ARMC2: variants seen among roughly 807,000 people sequenced by gnomAD.
ARMC2 encodes armadillo repeat containing 2, also known as armadillo repeat-containing protein 2.
Under a neutral mutation model 90.3 loss-of-function variants are expected in ARMC2, and 67 were observed. The observed-to-expected ratio is 0.74, with a 90% confidence interval of 0.61 to 0.91. The LOEUF (loss-of-function observed/expected upper bound fraction) is 0.91, where lower values mean the gene tolerates loss of function less well. Among genes scored for constraint, ARMC2 ranks in the 40% least tolerant of loss-of-function variants. ARMC2 has a pLI of 0.00. For missense variants in ARMC2, 920 were observed against 1,030.9 expected (o/e 0.89, Z 1.47); for synonymous variants, 393 against 393.0 (o/e 1.00, Z 0.00).
At chr6:108,996,670 A>G in the ARMC2 span, among the ~76,000 whole-genome samples, 3 of 152,140 alleles carry the variant, frequency 2.0e-5, no homozygotes, top group Non-Finnish European at 2.9e-5. Flanking sequence ...TAATATTAAA[A>G]TGTTAAAATT....
intron 17 of ARMC2, among the ~76,000 whole-genome samples, chr6:108,972,687 A>G (rs2128521712): frequency 6.6e-6 from 1 of 152,288 alleles, no homozygotes; most frequent in African/African-American, 2.4e-5. Flanking sequence ...TTTTTGAGAC[A>G]GGGTCTCTCT....
downstream of ARMC2, among the ~76,000 whole-genome samples, chr6:108,977,844 A>G (rs1241408513): frequency 6.6e-6 from 1 of 152,040 alleles, no homozygotes; most frequent in Non-Finnish European, 1.5e-5. Context: ...CGGTGGTGAT[A>G]TCCCCTTTAT....
intron 2 of ARMC2, 83 bp from the exon 3 acceptor site, chr6:108,858,116 T>G (rs927311358): frequency 7.2e-6 from 8 of 1,106,020 alleles, no homozygotes; most frequent in African/African-American, 1.6e-5. Context: ...TTACTTGTTT[T>G]TTAGCTAGGG....
At chr6:108,994,140 TAAAAAAAAAAAA>T in the ARMC2 span, among the ~76,000 whole-genome samples, 1 of 100,266 alleles carries the variant, frequency 1.0e-5, no homozygotes. Flanking sequence ...CCCTGTTTCT[TAAAAAAAAAAAA>T]AAAAAAAAAA....
chr6:108,955,186 T>G (rs1444697680), intron 13 of ARMC2, among the ~76,000 whole-genome samples: 4 of 152,144 alleles, frequency 2.6e-5, no homozygotes, highest in African/African-American at 9.7e-5. Context: ...GATACCAACA[T>G]TCAGTTTAGA....
intron 15 of ARMC2, among the ~76,000 whole-genome samples, chr6:108,962,519 T>C (rs1469639163): frequency 6.6e-6 from 1 of 152,250 alleles, no homozygotes; most frequent in Non-Finnish European, 1.5e-5. Flanking sequence ...CATTATGGTA[T>C]ATTCATGCAA....
chr6:108,937,169 G>C (rs1045081060), intron 12 of ARMC2, among the ~76,000 whole-genome samples, 170 bp downstream of exon 12: 1 of 152,170 alleles, frequency 6.6e-6, no homozygotes, highest in African/African-American at 2.4e-5. Flanking sequence ...GGAGTTGAAG[G>C]AGTTATATGA....
chr6:109,050,940 A>G, the ARMC2 span, among the ~76,000 whole-genome samples: 11 of 152,214 alleles, frequency 7.2e-5, no homozygotes, highest in Admixed American at 2.0e-4. Context: ...AGCCACCTCC[A>G]TAGAAATAAT....
chr6:109,018,348 G>A, the ARMC2 span, among the ~76,000 whole-genome samples: 2 of 152,162 alleles, frequency 1.3e-5, no homozygotes, highest in African/African-American at 2.4e-5. Flanking sequence ...GAACATTCTT[G>A]TAAATGTATA....
At chr6:108,996,416 G>T in the ARMC2 span, among the ~76,000 whole-genome samples, 1 of 152,036 alleles carries the variant, frequency 6.6e-6, no homozygotes, top group African/African-American at 2.4e-5. Flanking sequence ...TAGCTGAAAA[G>T]GATTAGGTTT....
chr6:108,915,363 G>A (rs535343274), intron 10 of ARMC2, among the ~76,000 whole-genome samples: 2 of 151,954 alleles, frequency 1.3e-5, no homozygotes, highest in South Asian at 4.2e-4. Flanking sequence ...ACATGACGAG[G>A]GCCAAAAAGA....
At chr6:109,006,813 G>T in the ARMC2 span, among the ~76,000 whole-genome samples, 1 of 152,144 alleles carries the variant, frequency 6.6e-6, no homozygotes, top group Non-Finnish European at 1.5e-5. Flanking sequence ...CACTGCGGGT[G>T]TTCAATGGGG....
At chr6:108,849,728 C>T (rs1582904853) in intron 1 of ARMC2, among the ~76,000 whole-genome samples, 2 of 152,220 alleles carry the variant, frequency 1.3e-5, no homozygotes, top group African/African-American at 4.8e-5. Context: ...TGTGCTAACG[C>T]ACTTTACATG....
chr6:108,925,598 G>A (rs1365210047), intron 10 of ARMC2, among the ~76,000 whole-genome samples: 1 of 152,212 alleles, frequency 6.6e-6, no homozygotes, highest in Non-Finnish European at 1.5e-5. Context: ...GTAGACCATG[G>A]TCAGGGAACT....
rs756079409 is a variant in ARMC2, at chr6:108,964,965, A to G, written c.2286-15A>G. 1 of 1,570,990 alleles carries G rather than the reference A, an allele frequency of 6.4e-7. No individual in the cohort carries two copies. Among genetic ancestry groups the G allele is most frequent in the South Asian group, 1.1e-5 (1 of 88,286 alleles). On this transcript the variant is annotated splice_polypyrimidine_tract_variant and intron_variant, in intron 16 of 17. Transcript: ENST00000392644. The stretch of plus-strand genomic sequence containing the variant: ...CTGACCTAATAACTTCTCAATTTGA[A>G]TTTTATTAACTCAGGTTAGTGGACT...
chr6:109,037,645 C>A, the ARMC2 span, among the ~76,000 whole-genome samples: 1 of 152,042 alleles, frequency 6.6e-6, no homozygotes, highest in Non-Finnish European at 1.5e-5. Flanking sequence ...GAACCAGAGG[C>A]AAAATATATG....
At chr6:109,001,432 A>G in the ARMC2 span, 143 of 1,613,926 alleles carry the variant, frequency 8.9e-5, no homozygotes, top group Middle Eastern at 2.3e-3. Flanking sequence ...CCAAAGCAGC[A>G]AAAGAATCTG....
chr6:109,002,503 TAC>T, the ARMC2 span, among the ~76,000 whole-genome samples: 1 of 152,206 alleles, frequency 6.6e-6, no homozygotes, highest in South Asian at 2.1e-4. Context: ...CTGTTAGCAT[TAC>T]ATAGCTAACA....
At chr6:108,905,538 GAA>G (rs59313750) in intron 8 of ARMC2, among the ~76,000 whole-genome samples, 1 of 130,144 alleles carries the variant, frequency 7.7e-6, no homozygotes, top group Admixed American at 7.8e-5. Context: ...AAAGAGTGAG[GAA>G]AAAAAAAAAA....
Sources: allele counts gnomAD v4.1 joint callset (sites outside exome capture counted in the v4.1 genomes callset), GRCh38; gene constraint gnomAD v4.1.1; transcripts MANE v1.5; gene names NCBI Gene and HGNC (gene_info 2026-07-23, HGNC 2026-07-21).